Variants in USH2A observed in about 807,000 individuals in gnomAD.
USH2A encodes Usher syndrome 2A (autosomal recessive, mild).
A neutral mutation model predicts 538.9 loss-of-function variants in USH2A; 443 were observed. The observed-to-expected ratio is 0.82, with a 90% CI of 0.76 to 0.89. The LOEUF (loss-of-function observed/expected upper bound fraction) is 0.89. Among genes scored for constraint, USH2A ranks in the 40% least tolerant of loss-of-function variants. The pLI, the probability that USH2A is intolerant of heterozygous loss-of-function variation, is 0.00. For missense variants in USH2A, 6,633 were observed against 6,324.8 expected, an observed-to-expected ratio of 1.05 and a Z score of -1.65; for synonymous variants, 2,413 against 2,273.5, an observed-to-expected ratio of 1.06 and a Z score of -1.75.
intron 9 of USH2A, among the ~76,000 whole-genome samples, chr1:216,312,823 G>T (rs1388360266): frequency 3.3e-5 from 5 of 152,162 alleles, no homozygotes; most frequent in East Asian, 1.9e-4. Flanking sequence ...AAACTGTGAG[G>T]TTGTTTGTTT....
chr1:215,731,211 A>G (rs1306765970), intron 60 of USH2A, among the ~76,000 whole-genome samples: 1 of 152,212 alleles, frequency 6.6e-6, no homozygotes, highest in Non-Finnish European at 1.5e-5. Context: ...ATTGAGTATT[A>G]TGTTGGCCTC....
intron 9 of USH2A, among the ~76,000 whole-genome samples, chr1:216,302,283 C>T (rs956020505): frequency 6.6e-6 from 1 of 152,130 alleles, no homozygotes; most frequent in Non-Finnish European, 1.5e-5. Context: ...ATTTATGACA[C>T]ATTACAGGAC....
intron 5 of USH2A, among the ~76,000 whole-genome samples, chr1:216,327,191 G>A (rs979487332): frequency 8.5e-5 from 13 of 152,142 alleles, no homozygotes; most frequent in Admixed American, 3.9e-4. Context: ...AATTAATCAC[G>A]TTTATTGTTC....
At position 216,072,912 on chromosome 1, in the gene USH2A, C is replaced by T; in HGVS notation, c.5834G>A (p.Ser1945Asn). 6.2e-7 allele frequency: 1 copy of T among 1,613,910 alleles called. No homozygotes were observed. Reference protein sequence around the residue: ...HEGGSVYSDWSRGRTTGAAPQ... With the variant: ...HEGGSVYSDWNRGRTTGAAPQ... ...ACCTGCTCCTGTTGTACGTCCTCGACTCCAATCACTATATACTGAACCTCC... is the reference window on the plus strand; with the variant it reads ...ACCTGCTCCTGTTGTACGTCCTCGATTCCAATCACTATATACTGAACCTCC... The change falls in exon 29 of 72, where the codon AGT becomes AAT. Residue 1945 changes from serine to asparagine, a missense_variant. Ser to Asn is a conservative substitution (Grantham distance 46). Coordinates refer to ENST00000307340, the MANE Select transcript of USH2A (RefSeq NM_206933.4).
At chr1:215,914,458 G>C (rs1665899866) in intron 38 of USH2A, among the ~76,000 whole-genome samples, 2 of 152,004 alleles carry the variant, frequency 1.3e-5, no homozygotes, top group African/African-American at 4.8e-5. Flanking sequence ...ACTATGTACA[G>C]TAATCCCACC....
At chr1:216,113,401 T>C (rs1049278033) in intron 21 of USH2A, among the ~76,000 whole-genome samples, 1 of 152,130 alleles carries the variant, frequency 6.6e-6, no homozygotes, top group African/African-American at 2.4e-5. Flanking sequence ...TTCCTTTCCA[T>C]ATGTTATAAA....
At chr1:216,242,189 TA>T (rs11435772) in intron 13 of USH2A, among the ~76,000 whole-genome samples, 144 of 146,464 alleles carry the variant, frequency 9.8e-4, no homozygotes, top group Non-Finnish European at 1.6e-3. Flanking sequence ...ATCTCTGCTT[TA>T]AAAAAAAAAA....
chr1:216,119,753 G>C (rs146504003), intron 21 of USH2A, among the ~76,000 whole-genome samples: 169 of 152,074 alleles, frequency 1.1e-3, no homozygotes, highest in African/African-American at 3.8e-3. Flanking sequence ...AAATCTATTG[G>C]TCCCACAAAT....
At chr1:216,417,160 C>T (rs913820782) in intron 3 of USH2A, among the ~76,000 whole-genome samples, 2 of 151,964 alleles carry the variant, frequency 1.3e-5, no homozygotes, top group Non-Finnish European at 2.9e-5. Flanking sequence ...ACTCTGACCC[C>T]TGCCAATCAC....
intron 21 of USH2A, among the ~76,000 whole-genome samples, chr1:216,154,030 T>C (rs1271481712): frequency 6.6e-6 from 1 of 152,220 alleles, no homozygotes; most frequent in Non-Finnish European, 1.5e-5. Context: ...ACACGGATTA[T>C]ATAAGCTATG....
chr1:215,836,506 T>TTATATATATTA (rs1663513615), intron 47 of USH2A, among the ~76,000 whole-genome samples: 1 of 18,312 alleles, frequency 5.5e-5, no homozygotes, highest in African/African-American at 1.7e-4. Context: ...ATAATATATA[T>TTATATATATTA]TATATATATA....
intron 38 of USH2A, among the ~76,000 whole-genome samples, chr1:215,911,816 A>G (rs925160952): frequency 6.6e-6 from 1 of 152,090 alleles, no homozygotes; most frequent in African/African-American, 2.4e-5. Flanking sequence ...ACTAATTTAC[A>G]TTCCTACCAG....
At chr1:215,860,649 T>C (rs1664291220) in intron 44 of USH2A, among the ~76,000 whole-genome samples, 1 of 152,202 alleles carries the variant, frequency 6.6e-6, no homozygotes, top group Non-Finnish European at 1.5e-5. Context: ...GTGGCAAATT[T>C]GAGTTAAGAC....
At chr1:215,653,013 GAA>G (rs1657128761) in intron 64 of USH2A, among the ~76,000 whole-genome samples, 1 of 152,204 alleles carries the variant, frequency 6.6e-6, no homozygotes, top group Non-Finnish European at 1.5e-5. Context: ...GGTGTTGAAA[GAA>G]AATGAGATGA....
chr1:216,135,653 C>T (rs575392054), intron 21 of USH2A, among the ~76,000 whole-genome samples: 2 of 152,092 alleles, frequency 1.3e-5, no homozygotes, highest in East Asian at 3.9e-4. Flanking sequence ...TGTCAATGAA[C>T]GACTCTTTTC....
intron 11 of USH2A, among the ~76,000 whole-genome samples, chr1:216,280,992 T>G (rs777310378): frequency 6.6e-6 from 1 of 152,238 alleles, no homozygotes; most frequent in Non-Finnish European, 1.5e-5. Context: ...ATTCTGACAC[T>G]GTTGACAACT....
intron 58 of USH2A, among the ~76,000 whole-genome samples, chr1:215,753,232 C>T (rs1660678727): frequency 6.6e-6 from 1 of 152,066 alleles, no homozygotes; most frequent in African/African-American, 2.4e-5. Flanking sequence ...ACTAGTTCAA[C>T]CATTGTGGAA....
intron 58 of USH2A, among the ~76,000 whole-genome samples, chr1:215,743,820 C>CAA (rs11422369): frequency 8.3e-4 from 98 of 117,584 alleles, no homozygotes; most frequent in East Asian, 2.0e-3. Context: ...ACTCCGCCTC[C>CAA]AAAAAAAAAA....
intron 53 of USH2A, 130 bp downstream of exon 53, chr1:215,782,608 G>T: frequency 1.0e-6 from 1 of 999,474 alleles, no homozygotes; most frequent in South Asian, 1.5e-5. Flanking sequence ...CATAATTACA[G>T]TTCCCTTTAT....
Sources: allele counts gnomAD v4.1 joint callset (sites outside exome capture counted in the v4.1 genomes callset), GRCh38; gene constraint gnomAD v4.1.1; transcripts MANE v1.5; gene names NCBI Gene and HGNC (gene_info 2026-07-23, HGNC 2026-07-21).